The following EIF5B variants were observed in gnomAD, a reference collection of about 807,000 sequenced individuals.
The protein encoded by EIF5B is eIF-5B.
In EIF5B, 47 loss-of-function variants were observed where a neutral mutation model predicts 147.5. That is an observed-to-expected ratio of 0.32 (90% confidence interval 0.25 to 0.41). The LOEUF is 0.41. Among genes scored for constraint, EIF5B ranks in the 10% least tolerant of loss-of-function variants. The probability of loss-of-function intolerance (pLI) is 1.00; values close to 1 mark genes in which losing one functional copy is unlikely to be tolerated. For synonymous variants in EIF5B, 455 were observed against 456.2 expected (o/e 1.00, Z 0.03); for missense variants, 1,064 against 1,413.2 (o/e 0.75, Z 3.96).
rs201564019 is a variant in EIF5B, at chr2:99,371,676, G to A, written c.1498G>A (p.Asp500Asn). ...VEPEEEEDTE[D>N]AGLDDWEAMA... is the part of the protein sequence containing the mutation. ...TACAGAAGAAGAAGAAGATACTGAG[G>A]ATGCTGGATTGGATGATTGGGAAGC... The change falls in exon 9 of 24, where the codon GAT (aspartate) becomes AAT (asparagine). Residue 500 changes from aspartate to asparagine, a missense_variant. By Grantham distance (23) the Asp-to-Asn change is conservative. Coordinates refer to ENST00000289371, the MANE Select transcript of EIF5B (RefSeq NM_015904.4). The A allele has an allele frequency of 2.5e-5, 41 of 1,612,710 alleles. No individual in the cohort carries two copies. The highest frequency in any genetic ancestry group is 1.1e-5 in the South Asian group (1 of 90,774).
chr2:99,345,102 A>G (rs978777147), intron 1 of EIF5B, among the ~76,000 whole-genome samples: 3 of 152,230 alleles, frequency 2.0e-5, no homozygotes, highest in Admixed American at 2.0e-4. Context: ...CATTTAAACT[A>G]GCGTTTCAAT....
chr2:99,338,495 A>G (rs1033655277), intron 1 of EIF5B: 3 of 423,420 alleles, frequency 7.1e-6, no homozygotes, highest in Non-Finnish European at 1.4e-5. Context: ...GTGCTAGTTC[A>G]TCAGTCTGAC....
At chr2:99,372,616 G>A (rs1674476085) in intron 9 of EIF5B, among the ~76,000 whole-genome samples, 2 of 152,224 alleles carry the variant, frequency 1.3e-5, no homozygotes, top group Admixed American at 1.3e-4. Context: ...GGGATTATAG[G>A]TGTGAGCCAC....
In EIF5B at chr2:99,363,659, G is replaced by T; in HGVS notation, c.934G>T (p.Asp312Tyr). Reference sequence around the variant, plus strand: ...CTTTTTGGTAGATGACAATGAAGGAGACAAAAAGAAGAAAGATAAGAAGAA... The same window carrying T: ...CTTTTTGGTAGATGACAATGAAGGATACAAAAAGAAGAAAGATAAGAAGAA... ...PTAAEDDNEG[D>Y]KKKKDKKKKK... The change falls in exon 5 of 24, where the codon GAC becomes TAC. Residue 312 changes from aspartate (D) to tyrosine (Y), a missense_variant. Physicochemically the swap from Asp to Tyr is radical, Grantham distance 160. Transcript: ENST00000289371. The T allele has an allele frequency of 6.3e-7, 1 of 1,580,904 alleles. No homozygotes were observed. Among genetic ancestry groups the T allele is most frequent in the South Asian group, 1.2e-5 (1 of 83,626 alleles).
rs1675273164 is a variant in EIF5B, at chr2:99,400,782, A to G, written c.*1368A>G. On this transcript the variant is annotated 3_prime_UTR_variant, in exon 24 of 24. Transcript: ENST00000289371. ...GGAGACAAGAATAAGATGGTTTAGA[A>G]GCTTTACCCTTTCTTGGAACAAGTA... 1 of 153,058 alleles carries G rather than the reference A, an allele frequency of 6.5e-6. No homozygotes were observed. Among genetic ancestry groups the G allele is most frequent in the African/African-American group, 2.4e-5 (1 of 41,456 alleles). 9.5% of individuals were successfully genotyped at this position (153,058 alleles called of 1,614,324 possible). A position where few individuals can be genotyped will look rare whatever the true frequency, so the allele number is the denominator to read the frequency against.
intron 4 of EIF5B, among the ~76,000 whole-genome samples, chr2:99,362,544 C>A (rs967986070): frequency 2.0e-5 from 3 of 151,874 alleles, no homozygotes; most frequent in African/African-American, 7.2e-5. Flanking sequence ...ACTAAAAATA[C>A]AATAATTAGC....
chr2:99,389,418 C>T (rs907712473), intron 14 of EIF5B, among the ~76,000 whole-genome samples: 1 of 152,056 alleles, frequency 6.6e-6, no homozygotes, highest in Non-Finnish European at 1.5e-5. Context: ...TTTCGGAATT[C>T]CAACAATATA....
intron 22 of EIF5B, chr2:99,398,435 C>G (rs971709319): frequency 4.8e-6 from 1 of 206,400 alleles, no homozygotes; most frequent in African/African-American, 2.3e-5. Flanking sequence ...CCTGCTGATC[C>G]CTCCTATTAC....
rs762651912 is a variant in EIF5B at position 99,361,240 on chromosome 2, C to T, written c.339C>T (p.Ser113=). The T allele has an allele frequency of 3.5e-5, 57 of 1,608,982 alleles. No individual in the cohort carries two copies. The highest frequency in any genetic ancestry group is 2.9e-4 in the East Asian group (13 of 44,550). ...GKKQSFDDND[S]EELEDKDSKS... ...AACAGAGTTTTGATGATAATGATAGCGAAGAATTGGAAGATAAAGATTCAA... is the reference window on the plus strand; with the variant it reads ...AACAGAGTTTTGATGATAATGATAGTGAAGAATTGGAAGATAAAGATTCAA... Residue 113 remains serine (S), a synonymous_variant, in exon 4 of 24, where the codon AGC becomes AGT. Coordinates refer to ENST00000289371, the MANE Select transcript of EIF5B (RefSeq NM_015904.4).
Position 99,369,535 on chromosome 2 carries a change from G to A in EIF5B, c.1477+54G>A. The A allele has an allele frequency of 4.8e-6, 7 of 1,446,386 alleles. 1 individual carries two copies. Among genetic ancestry groups the A allele is most frequent in the South Asian group, 3.6e-5 (3 of 82,486 alleles). The allele number at this position is 1,446,386 out of a possible 1,614,324, so 89.6% of individuals were successfully genotyped here. On this transcript the variant is annotated intron_variant, in intron 8 of 23. Transcript: ENST00000289371. ...AGTGAATTCTTATTAAATAGTGTTG[G>A]TGTGTCATAAGTTGTCTTAGTTATT...
intron 22 of EIF5B, 94 bp from the exon 23 acceptor site, chr2:99,398,654 T>C: frequency 7.5e-7 from 1 of 1,338,888 alleles, no homozygotes; most frequent in Non-Finnish European, 1.0e-6. Flanking sequence ...TAAAACAGGC[T>C]TTTGCTCTAG....
Position 99,400,519 on chromosome 2 carries a change from T to TAAC in EIF5B, c.*1107_*1109dup, listed in dbSNP as rs1028125605. 2.0e-5 allele frequency: 3 copies of TAAC among 152,192 alleles called. No individual in the cohort carries two copies. The highest frequency in any genetic ancestry group is 1.9e-4 in the East Asian group (1 of 5,198). 9.4% of individuals were successfully genotyped at this position (152,192 alleles called of 1,614,324 possible). ...TATTTTAAAGTTATGGCATAACATA[T>TAAC]AACATAAAAATATTTTATATACGTT... On this transcript the variant is annotated 3_prime_UTR_variant, in exon 24 of 24. Coordinates refer to ENST00000289371, the MANE Select transcript of EIF5B (RefSeq NM_015904.4).
At chr2:99,384,573 C>T (rs1674761248) in intron 14 of EIF5B, among the ~76,000 whole-genome samples, 1 of 152,140 alleles carries the variant, frequency 6.6e-6, no homozygotes, top group Non-Finnish European at 1.5e-5. Flanking sequence ...AAGTTGAAAA[C>T]CTTTTGGAAA....
chr2:99,359,420 T>C (rs916816956), intron 1 of EIF5B, among the ~76,000 whole-genome samples: 2 of 152,144 alleles, frequency 1.3e-5, no homozygotes, highest in African/African-American at 4.8e-5. Flanking sequence ...AAGCATCTCT[T>C]ACAAGGTGTC....
intron 1 of EIF5B, among the ~76,000 whole-genome samples, chr2:99,354,714 T>C (rs1336097048): frequency 2.6e-5 from 4 of 152,104 alleles, no homozygotes; most frequent in Non-Finnish European, 4.4e-5. Context: ...TTTTGTGTGA[T>C]AGGTGTCCAT....
intron 12 of EIF5B, among the ~76,000 whole-genome samples, chr2:99,380,050 G>A (rs545061019): frequency 3.1e-4 from 47 of 152,136 alleles, no homozygotes; most frequent in Non-Finnish European, 5.1e-4. Context: ...GTTGATACTC[G>A]AACTCCATCA....
At chr2:99,389,506 G>A (rs1050426821) in intron 14 of EIF5B, 1 of 331,734 alleles carries the variant, frequency 3.0e-6, no homozygotes, top group Non-Finnish European at 5.5e-6. Flanking sequence ...CATGGAGGCT[G>A]ACAGGGGCAG....
chr2:99,392,172 T>C lies in EIF5B; in HGVS notation c.2749-795T>C, dbSNP rs978502530. Among the ~76,000 whole-genome samples, 3 of 152,260 alleles carry C rather than the reference T, an allele frequency of 2.0e-5. No homozygotes were observed. The South Asian group carries it at 6.2e-4, about 32-fold the overall frequency. ...TTTTTATGTTTATTTTATTTTATTT[T>C]ATTTTGAGATGGAGTCTCAGTCTGT... is the stretch of plus-strand genomic sequence containing the variant. On this transcript the variant is annotated intron_variant, in intron 17 of 23. Coordinates refer to ENST00000289371, the MANE Select transcript of EIF5B (RefSeq NM_015904.4).
intron 14 of EIF5B, among the ~76,000 whole-genome samples, chr2:99,383,419 T>C (rs58123905): frequency 0.089 from 13,588 of 152,134 alleles, 795 homozygotes; most frequent in Non-Finnish European, 0.12. Context: ...AGTATTGAAG[T>C]TAGGCCAATT....
Sources: gnomAD v4.1 joint callset for allele counts (sites outside exome capture counted in the v4.1 genomes callset) on GRCh38, gnomAD v4.1.1 for gene constraint, MANE v1.5 for transcripts, NCBI Gene and HGNC (gene_info 2026-07-23, HGNC 2026-07-21) for gene names.